Variants in RPS14 observed in about 807,000 individuals in gnomAD.
The protein encoded by RPS14 is small ribosomal subunit protein uS11.
Under a neutral mutation model 15.4 loss-of-function variants are expected in RPS14, and 1 was observed. The ratio of observed to expected loss-of-function variants is 0.07; its 90% confidence interval spans 0.02 to 0.31. RPS14 has a LOEUF of 0.31. RPS14 is among the 10% of genes least tolerant of loss of function. The pLI is 1.00. For synonymous variants in RPS14, 68 were observed against 74.4 expected (o/e 0.91, Z 0.44); for missense variants, 69 against 205.5 (o/e 0.34, Z 4.06).
At chr5:150,447,790 C>T (rs1191356705) in intron 1 of RPS14, 55 bp from the exon 2 acceptor site, 1 of 1,577,868 alleles carries the variant, frequency 6.3e-7, no homozygotes, top group Non-Finnish European at 8.7e-7. Context: ...TCCAGAATCC[C>T]TTTCCCCTGG....
Position 150,444,481 on chromosome 5 carries a change from A to G in RPS14, c.389-128T>C, listed in dbSNP as rs150239022. On this transcript the variant is annotated intron_variant, in intron 4 of 4. Transcript: ENST00000407193. ...CTCCCCAAATGACTCCCCAGTACCTAACAGATGGATGTGAACATGAAGTGG... is the reference window on the plus strand; with the variant it reads ...CTCCCCAAATGACTCCCCAGTACCTGACAGATGGATGTGAACATGAAGTGG... 7 of 748,530 alleles carry G rather than the reference A, an allele frequency of 9.4e-6. No individual in the cohort carries two copies. The Middle Eastern group carries it at 7.0e-4, about 75-fold the overall frequency. The allele number at this position is 748,530 out of a possible 1,614,324, so 46.4% of individuals were successfully genotyped here.
intron 2 of RPS14, 25 bp downstream of exon 2, chr5:150,447,560 G>A: frequency 6.2e-7 from 1 of 1,611,104 alleles, no homozygotes; most frequent in Non-Finnish European, 8.5e-7. Flanking sequence ...TTGCCAGCTG[G>A]ATGCCTCTCC....
Position 150,446,707 on chromosome 5 carries a change from G to T in RPS14, c.311+95C>A. 1 of 1,372,976 alleles carries T rather than the reference G, an allele frequency of 7.3e-7. No individual in the cohort carries two copies. Among genetic ancestry groups the T allele is most frequent in the Non-Finnish European group, 1.0e-6 (1 of 990,060 alleles). The allele number at this position is 1,372,976 out of a possible 1,614,324, so 85.0% of individuals were successfully genotyped here. On this transcript the variant is annotated intron_variant, in intron 3 of 4. Transcript: ENST00000407193. The surrounding 1 kb of genome is among the most constrained non-coding windows in gnomAD (Gnocchi z 4.2). ...ATATGCCTAAAATATCTTGTTCAAG[G>T]TCACAACAAAAAACCCAAACCTCAA... is the stretch of plus-strand genomic sequence containing the variant.
At chr5:150,449,212 A>C (rs1031871751) in intron 1 of RPS14, 1 of 152,284 alleles carries the variant, frequency 6.6e-6, no homozygotes, top group African/African-American at 2.4e-5. Context: ...ATTTAGAAGC[A>C]TCCAACATAG....
rs933951358 is a variant in RPS14 at position 150,446,320 on chromosome 5, T to G, written c.311+482A>C. Among the ~76,000 whole-genome samples, 4 of 152,110 alleles carry G rather than the reference T, an allele frequency of 2.6e-5. No homozygotes were observed. The highest frequency in any genetic ancestry group is 9.7e-5 in the African/African-American group (4 of 41,406). On this transcript the variant is annotated intron_variant, in intron 3 of 4. Transcript: ENST00000407193. This position sits in a 1 kb window ranked among gnomAD's most constrained non-coding sequence, Gnocchi z 4.2. ...CTCTTTCCTTCACAGGTGCCCAGGT[T>G]CACCCCCACCTCAAGACCTTTCCCT...
Position 150,442,917 on chromosome 5 carries a change from C to CAAA in RPS14, c.*1366_*1368dup, listed in dbSNP as rs1161280556. 7.8e-4 allele frequency: 119 copies of CAAA among 152,372 alleles called. No homozygotes were observed. Among genetic ancestry groups the CAAA allele is most frequent in the African/African-American group, 2.9e-3 (119 of 41,536 alleles). 9.4% of individuals were successfully genotyped at this position (152,372 alleles called of 1,614,324 possible). A position where few individuals can be genotyped will look rare whatever the true frequency, so the allele number is the denominator to read the frequency against. On this transcript the variant is annotated 3_prime_UTR_variant, in exon 5 of 5. Coordinates refer to ENST00000407193, the MANE Select transcript of RPS14 (RefSeq NM_005617.4). ...CTCCCTGTGTTGCCCAGGCTGGTCT[C>CAAA]AAACTCCTGGGCTCAATCCGTCCTC...
In RPS14 at chr5:150,446,195, A is replaced by G. The variant is rs1771089741; in HGVS notation, c.312-510T>C. On this transcript the variant is annotated intron_variant, in intron 3 of 4. Transcript: ENST00000407193. This position sits in a 1 kb window ranked among gnomAD's most constrained non-coding sequence, Gnocchi z 4.2. ...CCACTGTCTGGCTTGTTCACGCAAC[A>G]GTCATCTATTTCAGCTTTCATGCCC... Among the ~76,000 whole-genome samples the G allele has an allele frequency of 1.3e-5, 2 of 152,058 alleles. No homozygotes were observed. Among genetic ancestry groups the G allele is most frequent in the South Asian group, 4.1e-4 (2 of 4,826 alleles).
rs770249130 is a variant in RPS14 at position 150,445,656 on chromosome 5, G to A, written c.341C>T (p.Ser114Leu). Reference protein sequence around the residue: ...RTKTPGPGAQSALRALARSGM... With the variant: ...RTKTPGPGAQLALRALARSGM... ...CGAGCGGGCAAGGGCTCTGAGGGCC[G>A]ACTGGGCCCCAGGTCCAGGGGTCTT... Residue 114 changes from serine to leucine, a missense_variant, in exon 4 of 5, where the codon TCG becomes TTG. By Grantham distance (145) the Ser-to-Leu change is moderately radical (BLOSUM62 -2). Transcript: ENST00000407193. The A allele has an allele frequency of 1.2e-5, 20 of 1,610,326 alleles. No homozygotes were observed. Among genetic ancestry groups the A allele is most frequent in the South Asian group, 4.4e-5 (4 of 90,702 alleles).
chr5:150,445,445 G>A (rs367930646), intron 4 of RPS14, 164 bp downstream of exon 4: 6 of 722,014 alleles, frequency 8.3e-6, no homozygotes, highest in Non-Finnish European at 1.0e-5. Context: ...AGATATTCAG[G>A]GAGAGATTTT....
Position 150,447,609 on chromosome 5 carries a change from A to G in RPS14, c.125T>C (p.Val42Ala), listed in dbSNP as rs750935614. The G allele has an allele frequency of 1.2e-6, 2 of 1,613,500 alleles. No individual in the cohort carries two copies. Among genetic ancestry groups the G allele is most frequent in the Admixed American group, 3.3e-5 (2 of 60,018 alleles). The part of the protein sequence containing the change: ...HIFASFNDTF[V>A]HVTDLSGKET... ...CTTGCCAGAAAGATCAGTGACATGG[A>G]CAAAAGTGTCATTGAAGGATGCAAA... Residue 42 changes from valine (V) to alanine (A), a missense_variant, in exon 2 of 5, where the codon GTC (valine) becomes GCC (alanine). Coordinates refer to ENST00000407193, the MANE Select transcript of RPS14 (RefSeq NM_005617.4).
At chr5:150,447,496 A>C (rs1771135359) in intron 2 of RPS14, 89 bp downstream of exon 2, 7 of 1,297,306 alleles carry the variant, frequency 5.4e-6, no homozygotes, top group Non-Finnish European at 7.8e-6. Context: ...GCATTTCTTT[A>C]GAGAGAATCC....
At chr5:150,444,790 CTG>C (rs1771040356) in intron 4 of RPS14, 1 of 365,076 alleles carries the variant, frequency 2.7e-6, no homozygotes, top group Admixed American at 3.3e-5. Context: ...CTTTGGGAGA[CTG>C]AGGCTGGTGG....
chr5:150,444,440 G>T, intron 4 of RPS14, 87 bp from the exon 5 acceptor site: 1 of 1,079,666 alleles, frequency 9.3e-7, no homozygotes, highest in Non-Finnish European at 1.4e-6. Context: ...TAACCAATCA[G>T]CAACAGATCC....
rs1771101192 is a variant in RPS14 at position 150,446,504 on chromosome 5, GCT to G, written c.311+296_311+297del. Among the ~76,000 whole-genome samples, 1 of 152,142 alleles carries G rather than the reference GCT, an allele frequency of 6.6e-6. No individual in the cohort carries two copies. The highest frequency in any genetic ancestry group is 1.5e-5 in the Non-Finnish European group (1 of 68,026). On this transcript the variant is annotated intron_variant, in intron 3 of 4. Coordinates refer to ENST00000407193, the MANE Select transcript of RPS14 (RefSeq NM_005617.4). The surrounding 1 kb of genome is among the most constrained non-coding windows in gnomAD (Gnocchi z 4.2). ...AAATGAAAACCACATACTCCCTGGT[GCT>G]CTGTTGTTTAAAGTCTGACTCTCCC...
chr5:150,444,912 G>A (rs1241238255), intron 4 of RPS14, among the ~76,000 whole-genome samples: 4 of 151,690 alleles, frequency 2.6e-5, no homozygotes, highest in African/African-American at 9.7e-5. Flanking sequence ...CTACTCAGTA[G>A]ATGCAGGTGG....
Position 150,444,187 on chromosome 5 carries a change from C to A in RPS14, c.*99G>T. 1.3e-6 allele frequency: 2 copies of A among 1,488,972 alleles called. No individual in the cohort carries two copies. Among genetic ancestry groups the A allele is most frequent in the South Asian group, 2.6e-5 (2 of 75,992 alleles). 92.2% of individuals were successfully genotyped at this position (1,488,972 alleles called of 1,614,324 possible). A position where few individuals can be genotyped will look rare whatever the true frequency, so the allele number is the denominator to read the frequency against. On this transcript the variant is annotated 3_prime_UTR_variant, in exon 5 of 5. Coordinates refer to ENST00000407193, the MANE Select transcript of RPS14 (RefSeq NM_005617.4). ...AAGAAGCCAAATAGGAGGAAGAAAT[C>A]AAATGCCTGAGTAGCCCCTGATGAA...
intron 4 of RPS14, chr5:150,445,282 C>G (rs988293475): frequency 1.4e-5 from 6 of 426,618 alleles, no homozygotes; most frequent in Non-Finnish European, 2.6e-5. Flanking sequence ...GCTGAACATC[C>G]TACAATGCAG....
chr5:150,448,837 A>G (rs1224322880), intron 1 of RPS14: 1 of 152,244 alleles, frequency 6.6e-6, no homozygotes, highest in African/African-American at 2.4e-5. Flanking sequence ...AAGTACTTCA[A>G]GTGTAAGTCT....
Position 150,447,065 on chromosome 5 carries a change from G to C in RPS14, c.150-102C>G, listed in dbSNP as rs1771121388. The C allele has an allele frequency of 3.6e-6, 5 of 1,392,278 alleles. No homozygotes were observed. In the South Asian group the frequency reaches 5.1e-5, roughly 14 times the overall value. 86.2% of individuals were successfully genotyped at this position (1,392,278 alleles called of 1,614,324 possible). On this transcript the variant is annotated intron_variant, in intron 2 of 4. Coordinates refer to ENST00000407193, the MANE Select transcript of RPS14 (RefSeq NM_005617.4). Reference sequence around the variant, plus strand: ...ACACAGCTCAGTCATGGTGGAGGATGATGGTCATGGGCTCTGCCCTCATGG... The same window carrying C: ...ACACAGCTCAGTCATGGTGGAGGATCATGGTCATGGGCTCTGCCCTCATGG...
Sources: allele counts gnomAD v4.1 joint callset (sites outside exome capture counted in the v4.1 genomes callset), GRCh38; gene constraint gnomAD v4.1.1; non-coding constraint Gnocchi (gnomAD v3.1); transcripts MANE v1.5; gene names NCBI Gene and HGNC (gene_info 2026-07-23, HGNC 2026-07-21).